The following PXDNL variants were observed in gnomAD, a reference collection of about 807,000 sequenced individuals.
The protein encoded by PXDNL is probable oxidoreductase PXDNL.
Under a neutral mutation model 150.8 loss-of-function variants are expected in PXDNL, and 145 were observed. That is an observed-to-expected ratio of 0.96 (90% CI 0.84 to 1.10). The LOEUF (loss-of-function observed/expected upper bound fraction) is 1.10, where lower values mean the gene tolerates loss of function less well. Ranked by LOEUF, PXDNL falls within the 50% of genes least tolerant of loss-of-function variation. The pLI is 0.00. For synonymous variants in PXDNL, 757 were observed against 725.7 expected, an observed-to-expected ratio of 1.04 and a Z score of -0.69; for missense variants, 2,087 against 1,873.9, an observed-to-expected ratio of 1.11 and a Z score of -2.10.
chr8:51,555,133 TG>T (rs1434034548), intron 4 of PXDNL, among the ~76,000 whole-genome samples: 1 of 152,098 alleles, frequency 6.6e-6, no homozygotes, highest in Non-Finnish European at 1.5e-5. Context: ...TTCTAGAGGA[TG>T]GGAATTCCAA....
At chr8:51,673,848 T>G (rs1464999599) in intron 1 of PXDNL, among the ~76,000 whole-genome samples, 2 of 152,180 alleles carry the variant, frequency 1.3e-5, no homozygotes, top group African/African-American at 4.8e-5. Context: ...TAGCCTTTTA[T>G]AGGTTTTTCA....
At chr8:51,783,142 G>A (rs2037431162) in intron 1 of PXDNL, among the ~76,000 whole-genome samples, 2 of 152,144 alleles carry the variant, frequency 1.3e-5, no homozygotes, top group African/African-American at 4.8e-5. Flanking sequence ...GTTTTACTTG[G>A]AGACCACATT....
chr8:51,505,958 C>T (rs978804788), intron 4 of PXDNL, among the ~76,000 whole-genome samples: 2 of 152,190 alleles, frequency 1.3e-5, no homozygotes, highest in Non-Finnish European at 2.9e-5. Context: ...ATTATTCATA[C>T]TATTCAGGAA....
At chr8:51,695,444 G>C (rs553512705) in intron 1 of PXDNL, among the ~76,000 whole-genome samples, 51 of 152,090 alleles carry the variant, frequency 3.4e-4, no homozygotes, top group Non-Finnish European at 6.3e-4. Context: ...CAGGGAGACA[G>C]ATCAGAGCAG....
intron 17 of PXDNL, among the ~76,000 whole-genome samples, chr8:51,404,569 C>T (rs1354696900): frequency 2.1e-5 from 3 of 143,482 alleles, no homozygotes; most frequent in Non-Finnish European, 4.4e-5. Context: ...TCTCCAAGTC[C>T]CCACCAGATT....
chr8:51,470,431 A>C (rs371616780), intron 8 of PXDNL, among the ~76,000 whole-genome samples: 5 of 152,160 alleles, frequency 3.3e-5, no homozygotes, highest in African/African-American at 7.2e-5. Flanking sequence ...AAGCAAAAAA[A>C]ATCAGAGTTG....
intron 2 of PXDNL, among the ~76,000 whole-genome samples, chr8:51,642,570 C>A (rs1051205332): frequency 2.6e-5 from 4 of 152,002 alleles, no homozygotes; most frequent in Non-Finnish European, 4.4e-5. Context: ...TTATGACAAA[C>A]CCACAGCCAA....
In PXDNL at chr8:51,415,624, G is replaced by T. The variant is rs149312771; in HGVS notation, c.1796-2366C>A. 8.0e-3 allele frequency among the ~76,000 whole-genome samples: 1,217 copies of T among 152,276 alleles called. 6 individuals carry two copies. Among genetic ancestry groups the T allele is most frequent in the Non-Finnish European group, 0.013 (916 of 68,012 alleles). On this transcript the variant is annotated intron_variant, in intron 14 of 22. Transcript: ENST00000356297. ...GGACACAAATCTAAACCATACCAGT[G>T]TGCAAGGAAAATGTGGTGGATGTTC... is the stretch of plus-strand genomic sequence containing the variant.
At chr8:51,743,720 T>G (rs1413010600) in intron 1 of PXDNL, among the ~76,000 whole-genome samples, 1 of 152,040 alleles carries the variant, frequency 6.6e-6, no homozygotes, top group Non-Finnish European at 1.5e-5. Context: ...TTTGACCATT[T>G]GGTCAGGCTG....
intron 1 of PXDNL, among the ~76,000 whole-genome samples, chr8:51,695,278 ATCAGTAGTCATGC>A (rs1399840532): frequency 1.3e-5 from 2 of 152,192 alleles, no homozygotes; most frequent in African/African-American, 2.4e-5. Context: ...ATCATTTCCT[ATCAGTAGTCATGC>A]TTAGTTTCTC....
intron 14 of PXDNL, among the ~76,000 whole-genome samples, chr8:51,417,092 T>C (rs943436443): frequency 1.3e-5 from 2 of 152,188 alleles, no homozygotes; most frequent in Admixed American, 1.3e-4. Context: ...GGGGACACAT[T>C]AGAATTAATC....
intron 1 of PXDNL, among the ~76,000 whole-genome samples, chr8:51,755,670 A>C (rs2037093019): frequency 6.6e-6 from 1 of 152,210 alleles, no homozygotes; most frequent in Non-Finnish European, 1.5e-5. Context: ...CATAACTCAT[A>C]AATGTTCATC....
chr8:51,331,785 C>T (rs1454184765), intron 21 of PXDNL, among the ~76,000 whole-genome samples: 2 of 152,094 alleles, frequency 1.3e-5, no homozygotes, highest in African/African-American at 2.4e-5. Context: ...AGGTACACAA[C>T]TCCAGTGACC....
intron 19 of PXDNL, among the ~76,000 whole-genome samples, chr8:51,358,073 C>T (rs1806575034): frequency 6.6e-6 from 1 of 152,010 alleles, no homozygotes; most frequent in Admixed American, 6.5e-5. Context: ...TGATGTCACA[C>T]CAAAGGAGAA....
chr8:51,633,335 C>T (rs904775491), intron 2 of PXDNL, among the ~76,000 whole-genome samples: 42 of 151,910 alleles, frequency 2.8e-4, no homozygotes, highest in African/African-American at 9.7e-4. Flanking sequence ...TCTTTGTTAT[C>T]GTGAGAGTGC....
chr8:51,437,705 A>G (rs1375015451), intron 12 of PXDNL, among the ~76,000 whole-genome samples: 1 of 152,270 alleles, frequency 6.6e-6, no homozygotes, highest in Non-Finnish European at 1.5e-5. Flanking sequence ...AATAAAAGCC[A>G]TCTATGATAA....
chr8:51,802,856 A>G (rs2037635235), intron 1 of PXDNL, among the ~76,000 whole-genome samples: 1 of 152,232 alleles, frequency 6.6e-6, no homozygotes, highest in South Asian at 2.1e-4. Flanking sequence ...TGTTTAAGTT[A>G]TAGTGGTACC....
intron 7 of PXDNL, among the ~76,000 whole-genome samples, chr8:51,474,256 G>A (rs921478351): frequency 2.0e-5 from 3 of 152,008 alleles, no homozygotes; most frequent in Non-Finnish European, 1.5e-5. Context: ...ACACACACAC[G>A]AAGGTATTCA....
chr8:51,801,562 C>A (rs2037620921), intron 1 of PXDNL, among the ~76,000 whole-genome samples: 1 of 152,152 alleles, frequency 6.6e-6, no homozygotes, highest in African/African-American at 2.4e-5. Context: ...GGAGGCCCAG[C>A]TGTAAAATTC....
Sources: allele counts gnomAD v4.1 joint callset (sites outside exome capture counted in the v4.1 genomes callset), GRCh38; gene constraint gnomAD v4.1.1; transcripts MANE v1.5; gene names NCBI Gene and HGNC (gene_info 2026-07-23, HGNC 2026-07-21).